The following GNG2 variants were observed in gnomAD, a reference collection of about 807,000 sequenced individuals.
The protein encoded by GNG2 is guanine nucleotide-binding protein G(I)/G(S)/G(O) subunit gamma-2.
GNG2 carries 5 observed loss-of-function variants against 5.5 expected under a neutral mutation model. The ratio of observed to expected loss-of-function variants is 0.91; its 90% CI spans 0.48 to 1.92. The LOEUF is 1.92. GNG2 is among the 30% of genes most tolerant of loss of function. The pLI, the probability that GNG2 is intolerant of heterozygous loss-of-function variation, is 0.01. For synonymous variants in GNG2, 28 were observed against 32.0 expected (o/e 0.88, Z 0.42); for missense variants, 55 against 88.4 (o/e 0.62, Z 1.52).
intron 3 of GNG2, among the ~76,000 whole-genome samples, chr14:51,956,971 G>A (rs966594591): frequency 2.6e-5 from 4 of 152,040 alleles, no homozygotes; most frequent in Non-Finnish European, 4.4e-5. Context: ...CTCACAGTCC[G>A]GTAGCCTTCA....
At chr14:51,869,974 A>G (rs1484309067) in intron 1 of GNG2, among the ~76,000 whole-genome samples, 1 of 152,236 alleles carries the variant, frequency 6.6e-6, no homozygotes, top group Non-Finnish European at 1.5e-5. Flanking sequence ...GCTGAAGAAC[A>G]AAGTCATCAG....
chr14:51,871,535 T>C (rs1484781691), intron 1 of GNG2, among the ~76,000 whole-genome samples: 1 of 152,186 alleles, frequency 6.6e-6, no homozygotes, highest in Non-Finnish European at 1.5e-5. Flanking sequence ...AATAAGATAA[T>C]ATCTACTTCA....
intron 2 of GNG2, among the ~76,000 whole-genome samples, chr14:51,900,733 C>T (rs1048464697): frequency 6.6e-6 from 1 of 151,974 alleles, no homozygotes; most frequent in Non-Finnish European, 1.5e-5. Context: ...CAGAGAGAAA[C>T]TTTGCTTTCC....
chr14:51,951,403 C>T (rs1420778385), intron 3 of GNG2, among the ~76,000 whole-genome samples: 1 of 152,178 alleles, frequency 6.6e-6, no homozygotes, highest in African/African-American at 2.4e-5. Flanking sequence ...TAAATTCAAA[C>T]CCTTCGTTGG....
chr14:51,924,389 T>G (rs191582979), intron 2 of GNG2, among the ~76,000 whole-genome samples: 1 of 152,110 alleles, frequency 6.6e-6, no homozygotes, highest in Non-Finnish European at 1.5e-5. Flanking sequence ...GCTTATTCAT[T>G]TGAGTTGAGA....
At chr14:51,927,080 G>A (rs1446303461) in intron 2 of GNG2, among the ~76,000 whole-genome samples, 1 of 152,320 alleles carries the variant, frequency 6.6e-6, no homozygotes, top group Non-Finnish European at 1.5e-5. Flanking sequence ...CTCTCATTTA[G>A]TAGTACTAAA....
chr14:51,907,036 T>C (rs1885975621), intron 2 of GNG2, among the ~76,000 whole-genome samples: 1 of 152,224 alleles, frequency 6.6e-6, no homozygotes, highest in African/African-American at 2.4e-5. Context: ...ATTACAGGCA[T>C]GAGCCACCGT....
At chr14:51,874,342 G>A (rs970743317) in intron 1 of GNG2, among the ~76,000 whole-genome samples, 1 of 150,726 alleles carries the variant, frequency 6.6e-6, no homozygotes, top group South Asian at 2.1e-4. Flanking sequence ...GGAGAATGGC[G>A]TGAACCCGTG....
upstream of GNG2, among the ~76,000 whole-genome samples, chr14:51,856,198 T>C (rs947273195): frequency 5.3e-5 from 8 of 150,890 alleles, no homozygotes; most frequent in African/African-American, 2.0e-4. Flanking sequence ...AATGAAAAAA[T>C]AAAGAACTAG....
intron 2 of GNG2, among the ~76,000 whole-genome samples, chr14:51,907,050 C>T (rs1021044588): frequency 2.0e-5 from 3 of 152,080 alleles, no homozygotes; most frequent in Admixed American, 6.5e-5. Context: ...CCACCGTGCC[C>T]GGCCGCTGGA....
At chr14:51,839,025 T>G (rs1413713644) in intron 2 of GNG2, among the ~76,000 whole-genome samples, 1 of 141,058 alleles carries the variant, frequency 7.1e-6, no homozygotes, top group African/African-American at 2.6e-5. Flanking sequence ...AGACTACCTA[T>G]TGTCATGATT....
At chr14:51,840,175 C>T (rs141212635) in intron 2 of GNG2, among the ~76,000 whole-genome samples, 55 of 152,266 alleles carry the variant, frequency 3.6e-4, no homozygotes, top group African/African-American at 1.1e-3. Flanking sequence ...TAGATGTCAT[C>T]GTAGGAGCTG....
chr14:51,921,508 A>C (rs1887013409), intron 2 of GNG2, among the ~76,000 whole-genome samples: 1 of 152,198 alleles, frequency 6.6e-6, no homozygotes, highest in Admixed American at 6.5e-5. Flanking sequence ...GCATGTTTTA[A>C]AGCACAACTT....
At chr14:51,857,043 C>G (rs533866046), upstream of GNG2, among the ~76,000 whole-genome samples, 3 of 152,200 alleles carry the variant, frequency 2.0e-5, no homozygotes, top group Non-Finnish European at 4.4e-5. Context: ...TCTGTTGACT[C>G]TGCTGTGTGA....
chr14:51,833,613 A>T (rs1311697193), intron 2 of GNG2, among the ~76,000 whole-genome samples: 1 of 152,236 alleles, frequency 6.6e-6, no homozygotes, highest in African/African-American at 2.4e-5. Context: ...ATCCTAAGGA[A>T]TTTTTAACAG....
At chr14:51,953,005 A>G (rs1048518624) in intron 3 of GNG2, among the ~76,000 whole-genome samples, 2 of 152,166 alleles carry the variant, frequency 1.3e-5, no homozygotes, top group Non-Finnish European at 2.9e-5. Context: ...TCTTTTCTGC[A>G]TGCCATATAG....
At chr14:51,933,657 CCG>C (rs1229057762) in intron 2 of GNG2, among the ~76,000 whole-genome samples, 1 of 152,110 alleles carries the variant, frequency 6.6e-6, no homozygotes, top group Non-Finnish European at 1.5e-5. Context: ...AAAATGAGAG[CCG>C]CTGCTCGAGT....
chr14:51,879,792 A>C (rs563465495), intron 2 of GNG2, among the ~76,000 whole-genome samples: 13 of 152,310 alleles, frequency 8.5e-5, no homozygotes, highest in Non-Finnish European at 1.8e-4. Flanking sequence ...AAGCCAGGCT[A>C]ATCTCCTCAT....
intron 2 of GNG2, among the ~76,000 whole-genome samples, chr14:51,840,670 T>C (rs1349496485): frequency 6.6e-6 from 1 of 152,188 alleles, no homozygotes. Context: ...ACTCAGTGAA[T>C]GGATAAAGAG....
Sources: gnomAD v4.1 joint callset for allele counts (sites outside exome capture counted in the v4.1 genomes callset) on GRCh38, gnomAD v4.1.1 for gene constraint, MANE v1.5 for transcripts, NCBI Gene and HGNC (gene_info 2026-07-23, HGNC 2026-07-21) for gene names.